Variants in NOD1 observed in about 807,000 individuals in gnomAD.
NOD1 encodes the protein nucleotide-binding oligomerization domain-containing protein 1.
Under a neutral mutation model 81.2 loss-of-function variants are expected in NOD1, and 70 were observed. That is an observed-to-expected ratio of 0.86 (90% confidence interval 0.71 to 1.05). NOD1 has a LOEUF of 1.05. Ranked by LOEUF, NOD1 falls within the 50% of genes least tolerant of loss-of-function variation. NOD1 has a pLI of 0.00. For missense variants in NOD1, 1,233 were observed against 1,228.0 expected, an observed-to-expected ratio of 1.00 and a Z score of -0.06; for synonymous variants, 508 against 526.9, an observed-to-expected ratio of 0.96 and a Z score of 0.49.
intron 3 of NOD1, among the ~76,000 whole-genome samples, chr7:30,457,726 A>G (rs1034188039): frequency 3.3e-5 from 5 of 152,150 alleles, no homozygotes; most frequent in Admixed American, 6.5e-5. Flanking sequence ...TGAGAAAGAA[A>G]GACCTGTGGG....
chr7:30,453,204 G>A (rs941721475), intron 5 of NOD1, among the ~76,000 whole-genome samples, 164 bp from the exon 6 acceptor site: 4 of 152,138 alleles, frequency 2.6e-5, no homozygotes, highest in East Asian at 1.9e-4. Flanking sequence ...CCTGGGGAGC[G>A]TCACAGAGCC....
rs115520310 is a variant in NOD1, at chr7:30,435,132, T to G, written c.2621+866A>C. 1.1e-3 allele frequency among the ~76,000 whole-genome samples: 163 copies of G among 152,118 alleles called. 4 individuals carry two copies. The highest frequency in any genetic ancestry group is 3.5e-3 in the African/African-American group (147 of 41,488). ...AAATAAAGCAAAATAAAACATTAAG[T>G]GGCCATAAAAAAGGGAACACCAACA... is the stretch of plus-strand genomic sequence containing the variant. On this transcript the variant is annotated intron_variant, in intron 11 of 13. Transcript: ENST00000222823.
At chr7:30,435,020 C>T (rs140768949) in intron 11 of NOD1, among the ~76,000 whole-genome samples, 3,060 of 152,210 alleles carry the variant, frequency 0.02, 97 homozygotes, top group African/African-American at 0.068. Context: ...ATCCTCCCAC[C>T]TCAGCCTTCC....
chr7:30,470,097 G>A (rs1483672311), intron 1 of NOD1, among the ~76,000 whole-genome samples: 1 of 152,238 alleles, frequency 6.6e-6, no homozygotes, highest in Non-Finnish European at 1.5e-5. Flanking sequence ...GAAGGACACA[G>A]ACTCTAAAGC....
intron 9 of NOD1, 75 bp downstream of exon 9, chr7:30,446,066 A>T: frequency 1.8e-6 from 2 of 1,126,678 alleles, no homozygotes; most frequent in South Asian, 2.5e-5. Context: ...GTACTGATGT[A>T]TGAAAAGAAC....
Position 30,436,013 on chromosome 7 carries a change from G to A in NOD1, c.2606C>T (p.Ser869Phe), listed in dbSNP as rs1277678576. ...SLARALQQNT[S>F]LEILWLTQNE... Reference sequence around the variant, plus strand: ...GAGCTATTACCACAGTATTTCTAGAGACGTGTTCTGCTGCAGGGCCCTCGC... The same window carrying A: ...GAGCTATTACCACAGTATTTCTAGAAACGTGTTCTGCTGCAGGGCCCTCGC... Residue 869 changes from serine (S) to phenylalanine (F), a missense_variant, in exon 11 of 14, where the codon TCT becomes TTT. Transcript: ENST00000222823. The A allele has an allele frequency of 3.1e-6, 5 of 1,613,456 alleles. No homozygotes were observed. The highest frequency in any genetic ancestry group is 3.4e-6 in the Non-Finnish European group (4 of 1,179,474).
intron 13 of NOD1, among the ~76,000 whole-genome samples, chr7:30,427,367 T>C (rs150550452): frequency 5.1e-4 from 78 of 152,316 alleles, no homozygotes; most frequent in Non-Finnish European, 1.1e-3. Context: ...GTCAGTACAG[T>C]TAACAAGTCC....
chr7:30,435,853 A>G (rs889781483), intron 11 of NOD1, 145 bp downstream of exon 11: 3 of 638,782 alleles, frequency 4.7e-6, no homozygotes, highest in South Asian at 1.9e-5. Flanking sequence ...CAGGACTCGG[A>G]AGGCCAAGGC....
intron 3 of NOD1, among the ~76,000 whole-genome samples, chr7:30,457,745 G>A (rs992139524): frequency 9.2e-5 from 14 of 152,128 alleles, no homozygotes; most frequent in Admixed American, 2.0e-4. Context: ...GGGTTTGGTG[G>A]GAGACGGTCT....
At chr7:30,446,921 G>T (rs562364456) in intron 8 of NOD1, 46 bp downstream of exon 8, 2 of 1,404,928 alleles carry the variant, frequency 1.4e-6, no homozygotes, top group East Asian at 4.6e-5. Flanking sequence ...ACAGAAGGGG[G>T]TGATCAAGAG....
intron 6 of NOD1, among the ~76,000 whole-genome samples, chr7:30,449,453 G>A (rs1344343960): frequency 6.6e-6 from 1 of 152,218 alleles, no homozygotes; most frequent in East Asian, 1.9e-4. Flanking sequence ...TAGCCAAGAA[G>A]TGTTCTTAAA....
At position 30,452,596 on chromosome 7, in the gene NOD1, C is replaced by T. The variant is rs752762134; in HGVS notation, c.821G>A (p.Arg274His). Reference protein sequence around the residue: ...DPEEVFAFLLRFPHVALFTFD... With the variant: ...DPEEVFAFLLHFPHVALFTFD... ...GGTGAAGAGGGCCACGTGGGGGAAG[C>T]GCAGCAGGAAGGCAAACACCTCCTC... The change falls in exon 6 of 14, where the codon CGC becomes CAC. Residue 274 changes from arginine to histidine, a missense_variant. Physicochemically the swap from Arg to His is conservative, Grantham distance 29 (BLOSUM62 0). Transcript: ENST00000222823. 20 of 1,613,494 alleles carry T rather than the reference C, an allele frequency of 1.2e-5. No homozygotes were observed. Among genetic ancestry groups the T allele is most frequent in the East Asian group, 6.7e-5 (3 of 44,896 alleles).
chr7:30,455,884 G>A (rs904642137), intron 4 of NOD1, among the ~76,000 whole-genome samples: 2 of 152,178 alleles, frequency 1.3e-5, no homozygotes, highest in African/African-American at 4.8e-5. Flanking sequence ...TTACAGGCGT[G>A]AGCCACGGTG....
At chr7:30,469,010 C>CT (rs1787989104) in intron 1 of NOD1, 2 of 985,328 alleles carry the variant, frequency 2.0e-6, no homozygotes, top group Admixed American at 1.2e-4. Context: ...ACCAAGCACA[C>CT]CTTACACAGC....
At chr7:30,455,700 C>T (rs778983921) in intron 4 of NOD1, among the ~76,000 whole-genome samples, 1 of 151,842 alleles carries the variant, frequency 6.6e-6, no homozygotes, top group Non-Finnish European at 1.5e-5. Context: ...CTCCCAGGTT[C>T]AAGGAATTCT....
chr7:30,449,327 T>G (rs1263346816), intron 6 of NOD1, among the ~76,000 whole-genome samples: 4 of 152,200 alleles, frequency 2.6e-5, no homozygotes, highest in African/African-American at 9.7e-5. Context: ...TGCTAGACAT[T>G]CCCAATATCT....
chr7:30,432,890 A>AGG (rs1303764512), intron 12 of NOD1, among the ~76,000 whole-genome samples: 5 of 152,166 alleles, frequency 3.3e-5, no homozygotes, highest in Admixed American at 1.3e-4. Context: ...GGGGAGGAGG[A>AGG]CAGGGAGTGA....
At chr7:30,465,313 G>C (rs1366673812) in intron 1 of NOD1, among the ~76,000 whole-genome samples, 1 of 152,164 alleles carries the variant, frequency 6.6e-6, no homozygotes, top group Non-Finnish European at 1.5e-5. Context: ...CCACAGCTGA[G>C]GCCACCAGCC....
In NOD1 at chr7:30,439,471, T is replaced by C. The variant is rs868813174; in HGVS notation, c.2454-1815A>G. On this transcript the variant is annotated intron_variant, in intron 9 of 13. Coordinates refer to ENST00000222823, the MANE Select transcript of NOD1 (RefSeq NM_006092.4). ...AGCGCAAGGGATCAGGGAGTTCCCT[T>C]TCCGAGTCAAAGAAAGGGGTGACGG... Among the ~76,000 whole-genome samples the C allele has an allele frequency of 3.0e-3, 417 of 138,942 alleles. 14 individuals are homozygous for C. The highest frequency in any genetic ancestry group is 0.012 in the African/African-American group (385 of 32,244). The allele number at this position is 138,942 out of a possible 152,430, so 91.2% of individuals were successfully genotyped here.
Sources: gnomAD v4.1 joint callset for allele counts (sites outside exome capture counted in the v4.1 genomes callset) on GRCh38, gnomAD v4.1.1 for gene constraint, MANE v1.5 for transcripts, NCBI Gene and HGNC (gene_info 2026-07-23, HGNC 2026-07-21) for gene names.